Variants in PCBP3 observed in about 807,000 individuals in gnomAD.
PCBP3 encodes poly(rC) binding protein 3.
In PCBP3, 25 loss-of-function variants were observed where a neutral mutation model predicts 52.7. The observed-to-expected ratio is 0.47, with a 90% CI of 0.35 to 0.66. The LOEUF (loss-of-function observed/expected upper bound fraction) is 0.66. Among genes scored for constraint, PCBP3 ranks in the 30% least tolerant of loss-of-function variants. PCBP3 has a pLI of 0.01. For missense variants in PCBP3, 391 were observed against 490.3 expected, an observed-to-expected ratio of 0.80 and a Z score of 1.91; for synonymous variants, 162 against 183.0, an observed-to-expected ratio of 0.89 and a Z score of 0.93.
chr21:45,710,934 T>C (rs9984190), intron 2 of PCBP3, among the ~76,000 whole-genome samples: 2,313 of 152,332 alleles, frequency 0.015, 58 homozygotes, highest in African/African-American at 0.047. Flanking sequence ...GCTTTGCCCA[T>C]TGGGGGCACT....
chr21:45,717,157 C>T (rs974357252), intron 2 of PCBP3, among the ~76,000 whole-genome samples: 1 of 151,976 alleles, frequency 6.6e-6, no homozygotes, highest in Non-Finnish European at 1.5e-5. Flanking sequence ...TTGTTCATTG[C>T]TAGTGTACAG....
intron 2 of PCBP3, among the ~76,000 whole-genome samples, chr21:45,675,902 G>T (rs780078590): frequency 6.6e-6 from 1 of 152,162 alleles, no homozygotes; most frequent in Non-Finnish European, 1.5e-5. Context: ...CATACAAAAA[G>T]CCAACAACAT....
intron 2 of PCBP3, among the ~76,000 whole-genome samples, chr21:45,678,239 G>A (rs1432060379): frequency 6.6e-6 from 1 of 151,648 alleles, no homozygotes; most frequent in Non-Finnish European, 1.5e-5. Flanking sequence ...CTGGGAGGCG[G>A]AGCTTGCAGT....
intron 4 of PCBP3, among the ~76,000 whole-genome samples, chr21:45,808,116 C>T (rs1462577127): frequency 6.6e-6 from 1 of 152,164 alleles, no homozygotes; most frequent in Non-Finnish European, 1.5e-5. Context: ...CTAGGCAATA[C>T]CATTCAGGAC....
At chr21:45,689,340 T>C (rs2082331747) in intron 2 of PCBP3, among the ~76,000 whole-genome samples, 1 of 152,050 alleles carries the variant, frequency 6.6e-6, no homozygotes, top group Non-Finnish European at 1.5e-5. Flanking sequence ...TACTCTCCTA[T>C]GATCACCTCA....
intron 2 of PCBP3, among the ~76,000 whole-genome samples, chr21:45,680,451 A>C (rs530279380): frequency 6.6e-6 from 1 of 152,182 alleles, no homozygotes; most frequent in African/African-American, 2.4e-5. Context: ...ATTTACACCT[A>C]AGTGTGTGTT....
chr21:45,705,380 T>G (rs1194075467), intron 2 of PCBP3, among the ~76,000 whole-genome samples: 1 of 152,168 alleles, frequency 6.6e-6, no homozygotes, highest in Non-Finnish European at 1.5e-5. Flanking sequence ...GTGGGCACAG[T>G]GGGTAAGTGA....
chr21:45,776,365 T>G (rs2090252734), intron 4 of PCBP3, among the ~76,000 whole-genome samples: 1 of 152,152 alleles, frequency 6.6e-6, no homozygotes, highest in Non-Finnish European at 1.5e-5. Context: ...GTTGATTTTC[T>G]CTCTAGAGTG....
chr21:45,818,511 A>G (rs1450373862), intron 4 of PCBP3, among the ~76,000 whole-genome samples: 1 of 152,092 alleles, frequency 6.6e-6, no homozygotes, highest in African/African-American at 2.4e-5. Flanking sequence ...TCATGTTTTT[A>G]TTGTCACTAT....
intron 2 of PCBP3, among the ~76,000 whole-genome samples, chr21:45,715,054 G>A (rs767840539): frequency 6.6e-6 from 1 of 152,094 alleles, no homozygotes; most frequent in African/African-American, 2.4e-5. Flanking sequence ...TAAATCTATG[G>A]GTATCAAAAT....
chr21:45,781,208 C>A (rs1210878557), intron 4 of PCBP3, among the ~76,000 whole-genome samples: 7 of 152,178 alleles, frequency 4.6e-5, no homozygotes, highest in African/African-American at 1.7e-4. Flanking sequence ...AAATTCACTA[C>A]ATTCTCTTAC....
chr21:45,668,032 C>A (rs1350383094), intron 1 of PCBP3, among the ~76,000 whole-genome samples: 2 of 152,108 alleles, frequency 1.3e-5, no homozygotes, highest in East Asian at 1.9e-4. Context: ...CCAAGAGACC[C>A]CATGTGTGTA....
At chr21:45,932,831 A>T (rs1489365692) in intron 15 of PCBP3, among the ~76,000 whole-genome samples, 2 of 151,990 alleles carry the variant, frequency 1.3e-5, no homozygotes, top group Non-Finnish European at 2.9e-5. Flanking sequence ...CTGTCCTGAG[A>T]TGAACGAACA....
intron 4 of PCBP3, among the ~76,000 whole-genome samples, chr21:45,811,740 G>T (rs2092693072): frequency 1.3e-5 from 2 of 152,258 alleles, no homozygotes; most frequent in Middle Eastern, 6.8e-3. Flanking sequence ...TTAACTGTCT[G>T]TGCCTTTGTA....
At chr21:45,891,546 C>T (rs548385295) in intron 5 of PCBP3, among the ~76,000 whole-genome samples, 175 of 152,304 alleles carry the variant, frequency 1.1e-3, no homozygotes, top group African/African-American at 3.9e-3. Context: ...CTATAGTGAC[C>T]GCAAGTGGGC....
At chr21:45,809,703 G>A (rs987828026) in intron 4 of PCBP3, among the ~76,000 whole-genome samples, 4 of 152,218 alleles carry the variant, frequency 2.6e-5, no homozygotes, top group East Asian at 1.9e-4. Context: ...GATCCGGGTC[G>A]GGGCAAGGCC....
rs181531015 is a variant in PCBP3, at chr21:45,712,850, C to T, written c.-199-22542C>T. ...TCCTGAGTAGTTGGGACCACCTGTA[C>T]ACACCACCATGCCCAGCTAATTAAA... On this transcript the variant is annotated intron_variant, in intron 2 of 17. Coordinates refer to ENST00000681687, the MANE Select transcript of PCBP3 (RefSeq NM_001384156.1). Among the ~76,000 whole-genome samples, 50 of 152,258 alleles carry T rather than the reference C, an allele frequency of 3.3e-4. No individual in the cohort carries two copies. The East Asian group carries it at 8.1e-3, about 25-fold the overall frequency.
intron 5 of PCBP3, among the ~76,000 whole-genome samples, chr21:45,876,617 G>A (rs1224813009): frequency 6.6e-6 from 1 of 152,196 alleles, no homozygotes; most frequent in Non-Finnish European, 1.5e-5. Flanking sequence ...CCTGCCCTGG[G>A]TAGCCTCAGG....
chr21:45,901,715 G>GAT (rs2096055824), intron 9 of PCBP3: 1 of 132,126 alleles, frequency 7.6e-6, no homozygotes, highest in African/African-American at 3.9e-5. Flanking sequence ...GGAAGACAGA[G>GAT]AGAGAGAGAT....
Sources: allele counts gnomAD v4.1 joint callset (sites outside exome capture counted in the v4.1 genomes callset), GRCh38; gene constraint gnomAD v4.1.1; transcripts MANE v1.5; gene names NCBI Gene and HGNC (gene_info 2026-07-23, HGNC 2026-07-21).